ICA1L: variants seen among roughly 807,000 people sequenced by gnomAD.
ICA1L encodes islet cell autoantigen 1 like.
ICA1L carries 50 observed loss-of-function variants against 61.3 expected under a neutral mutation model. That is an observed-to-expected ratio of 0.82 (90% confidence interval 0.65 to 1.03). The LOEUF (loss-of-function observed/expected upper bound fraction) is 1.03. Among genes scored for constraint, ICA1L ranks in the 50% least tolerant of loss-of-function variants. The probability of loss-of-function intolerance (pLI) is 0.00; values close to 1 mark genes in which losing one functional copy is unlikely to be tolerated. For synonymous variants in ICA1L, 161 were observed against 191.3 expected (o/e 0.84, Z 1.31); for missense variants, 508 against 556.7 (o/e 0.91, Z 0.88).
chr2:202,799,346 T>G (rs1000138245), intron 9 of ICA1L, among the ~76,000 whole-genome samples: 2 of 152,230 alleles, frequency 1.3e-5, no homozygotes, highest in African/African-American at 2.4e-5. Context: ...CACTGTGGAT[T>G]TGATTTGCAT....
At chr2:202,854,257 ACAG>A (rs1278756177) in intron 1 of ICA1L, among the ~76,000 whole-genome samples, 25 of 152,304 alleles carry the variant, frequency 1.6e-4, no homozygotes, top group African/African-American at 6.0e-4. Flanking sequence ...CTCTGATAAA[ACAG>A]ACTTTAAACC....
chr2:202,841,862 T>A (rs1413671646), intron 1 of ICA1L: 3 of 155,858 alleles, frequency 1.9e-5, no homozygotes, highest in Non-Finnish European at 4.2e-5. Flanking sequence ...CTTGGTCTAT[T>A]TTTTTTTTTT....
chr2:202,844,782 C>G (rs1282862525), intron 1 of ICA1L, among the ~76,000 whole-genome samples: 2 of 152,130 alleles, frequency 1.3e-5, no homozygotes, highest in African/African-American at 2.4e-5. Flanking sequence ...TATTAATTTC[C>G]TACTGCTGCT....
chr2:202,869,963 T>C (rs1469191626), intron 1 of ICA1L, among the ~76,000 whole-genome samples: 1 of 152,112 alleles, frequency 6.6e-6, no homozygotes, highest in Non-Finnish European at 1.5e-5. Context: ...AATAACAAAA[T>C]CTACTTCGAA....
At chr2:202,839,958 T>C (rs1488388554) in intron 1 of ICA1L, among the ~76,000 whole-genome samples, 3 of 152,110 alleles carry the variant, frequency 2.0e-5, no homozygotes, top group Non-Finnish European at 4.4e-5. Flanking sequence ...TTTGATTGTA[T>C]ACACTTTACC....
chr2:202,812,371 A>G (rs769898463), intron 8 of ICA1L, among the ~76,000 whole-genome samples: 3 of 152,080 alleles, frequency 2.0e-5, no homozygotes, highest in Non-Finnish European at 4.4e-5. Context: ...GAGGTCAGGA[A>G]TTCGAGACCA....
chr2:202,824,222 GAAACCCCGTCTCTACTAAAAATACAA>G (rs1277275231), intron 3 of ICA1L, among the ~76,000 whole-genome samples: 1 of 152,138 alleles, frequency 6.6e-6, no homozygotes, highest in African/African-American at 2.4e-5. Flanking sequence ...CCAAGATGGT[GAAACCCCGTCTCTACTAAAAATACAA>G]AAATTGGCCA....
chr2:202,857,524 A>G (rs548242636), intron 1 of ICA1L, among the ~76,000 whole-genome samples: 31 of 152,330 alleles, frequency 2.0e-4, no homozygotes, highest in African/African-American at 6.7e-4. Flanking sequence ...TAAAAACCCT[A>G]GAAGAAAACC....
intron 1 of ICA1L, among the ~76,000 whole-genome samples, chr2:202,832,146 T>G (rs1490836177): frequency 3.3e-5 from 5 of 152,184 alleles, no homozygotes; most frequent in Non-Finnish European, 7.3e-5. Flanking sequence ...TTCAGTCAAG[T>G]TAACTGGCTT....
In ICA1L at chr2:202,789,038, C is replaced by T; in HGVS notation, c.1035G>A (p.Lys345=). ...GGAGGTTGTTCAGAAATGAGAATTCCTTCTCAAAATCTTCTCCTTCCAATG... is the reference window on the plus strand; with the variant it reads ...GGAGGTTGTTCAGAAATGAGAATTCTTTCTCAAAATCTTCTCCTTCCAATG... ...VDSLEGEDFE[K]EFSFLNNLLS... Residue 345 remains lysine, a synonymous_variant, in exon 11 of 13, where the codon AAG becomes AAA. Transcript: ENST00000358299. 1.9e-6 allele frequency: 3 copies of T among 1,612,074 alleles called. No individual in the cohort carries two copies. Among genetic ancestry groups the T allele is most frequent in the South Asian group, 2.2e-5 (2 of 90,852 alleles).
chr2:202,839,220 G>C (rs1694242315), intron 1 of ICA1L, among the ~76,000 whole-genome samples: 1 of 151,772 alleles, frequency 6.6e-6, no homozygotes, highest in African/African-American at 2.4e-5. Flanking sequence ...GTGAGTCTTG[G>C]CTGGGCGCGG....
At chr2:202,779,719 A>G (rs1391966229) in intron 12 of ICA1L, 71 bp from the exon 13 acceptor site, 2 of 847,524 alleles carry the variant, frequency 2.4e-6, no homozygotes, top group Non-Finnish European at 1.8e-6. Context: ...CATATTTATG[A>G]TTTTGAAGTA....
In ICA1L at chr2:202,774,573, TAG is replaced by T; in HGVS notation, c.*4958_*4959del. The T allele has an allele frequency of 6.0e-6, 2 of 330,790 alleles. No individual in the cohort carries two copies. Among genetic ancestry groups the T allele is most frequent in the South Asian group, 1.8e-4 (2 of 10,840 alleles). 20.5% of individuals were successfully genotyped at this position (330,790 alleles called of 1,614,324 possible). On this transcript the variant is annotated 3_prime_UTR_variant, in exon 13 of 13. Transcript: ENST00000358299. ...AAAGTTGTAATATACTCACAGGTCC[TAG>T]AGAGACCAGTCACTGCATGCTGAGA...
chr2:202,798,233 T>G (rs1692988415), intron 9 of ICA1L, among the ~76,000 whole-genome samples: 1 of 152,122 alleles, frequency 6.6e-6, no homozygotes, highest in Non-Finnish European at 1.5e-5. Context: ...AGGATATGCT[T>G]TACTTTTTTT....
chr2:202,851,051 T>C (rs2105880631), intron 1 of ICA1L, among the ~76,000 whole-genome samples: 1 of 152,208 alleles, frequency 6.6e-6, no homozygotes, highest in African/African-American at 2.4e-5. Context: ...AGGGTACATG[T>C]GCACAACGTG....
intron 1 of ICA1L, among the ~76,000 whole-genome samples, chr2:202,866,953 C>A (rs538547950): frequency 1.7e-4 from 26 of 152,164 alleles, no homozygotes; most frequent in African/African-American, 6.0e-4. Context: ...TCTCAAAAAA[C>A]TGTAAAATTC....
At chr2:202,806,669 G>GT (rs1232824235) in intron 9 of ICA1L, among the ~76,000 whole-genome samples, 1 of 151,426 alleles carries the variant, frequency 6.6e-6, no homozygotes, top group Non-Finnish European at 1.5e-5. Flanking sequence ...AGAAGAAAAG[G>GT]TAAAAAAAAG....
At chr2:202,848,450 C>G (rs1385295098) in intron 1 of ICA1L, among the ~76,000 whole-genome samples, 2 of 152,166 alleles carry the variant, frequency 1.3e-5, no homozygotes, top group African/African-American at 4.8e-5. Flanking sequence ...TAACCAAGAA[C>G]ATGTCCCAGC....
intron 9 of ICA1L, among the ~76,000 whole-genome samples, chr2:202,803,415 A>G (rs1693142605): frequency 6.6e-6 from 1 of 151,480 alleles, no homozygotes; most frequent in Non-Finnish European, 1.5e-5. Flanking sequence ...AAAAAAAAAA[A>G]AAAAAAAAGA....
Sources: allele counts gnomAD v4.1 joint callset (sites outside exome capture counted in the v4.1 genomes callset), GRCh38; gene constraint gnomAD v4.1.1; transcripts MANE v1.5; gene names NCBI Gene and HGNC (gene_info 2026-07-23, HGNC 2026-07-21).